The following ATP6V1H variants were observed in gnomAD, a reference collection of about 807,000 sequenced individuals.
ATP6V1H encodes V-type proton ATPase subunit H.
Under a neutral mutation model 71.7 loss-of-function variants are expected in ATP6V1H, and 39 were observed. The observed-to-expected ratio is 0.54, with a 90% confidence interval of 0.42 to 0.71. ATP6V1H has a LOEUF of 0.71. ATP6V1H is among the 30% of genes least tolerant of loss of function. The probability of loss-of-function intolerance (pLI) is 0.00; values close to 1 mark genes in which losing one functional copy is unlikely to be tolerated. For missense variants in ATP6V1H, 509 were observed against 594.9 expected (o/e 0.86, Z 1.50); for synonymous variants, 192 against 199.3 (o/e 0.96, Z 0.31).
At chr8:53,783,062 G>A (rs1481608683) in intron 9 of ATP6V1H, among the ~76,000 whole-genome samples, 2 of 152,136 alleles carry the variant, frequency 1.3e-5, no homozygotes, top group Non-Finnish European at 2.9e-5. Flanking sequence ...CTCATAAAAT[G>A]AGTTAGGGAG....
intron 13 of ATP6V1H, among the ~76,000 whole-genome samples, chr8:53,720,161 TA>T (rs1268693891): frequency 6.6e-5 from 10 of 152,214 alleles, no homozygotes; most frequent in African/African-American, 2.4e-4. Context: ...AATGTGACAT[TA>T]AATCTTTGCT....
At chr8:53,762,831 T>C (rs145196892) in intron 11 of ATP6V1H, among the ~76,000 whole-genome samples, 2 of 149,826 alleles carry the variant, frequency 1.3e-5, no homozygotes, top group East Asian at 2.2e-4. Context: ...CACTTACACA[T>C]GGATTTTCTT....
At chr8:53,733,581 T>C (rs938881037) in intron 13 of ATP6V1H, among the ~76,000 whole-genome samples, 14 of 152,158 alleles carry the variant, frequency 9.2e-5, no homozygotes, top group African/African-American at 2.9e-4. Context: ...CTACCTAGGA[T>C]TTACTATCCG....
chr8:53,771,054 A>T (rs1224069705), intron 10 of ATP6V1H, among the ~76,000 whole-genome samples: 2 of 152,238 alleles, frequency 1.3e-5, no homozygotes, highest in Non-Finnish European at 2.9e-5. Flanking sequence ...TCATCTGGTA[A>T]ATACATTTCT....
chr8:53,795,604 G>A (rs552677677), intron 9 of ATP6V1H, 43 bp downstream of exon 9: 2 of 1,577,168 alleles, frequency 1.3e-6, no homozygotes, highest in African/African-American at 2.7e-5. Context: ...ACTGCACAGT[G>A]AAAAATGCCT....
At chr8:53,812,317 T>C (rs561844467) in intron 6 of ATP6V1H, among the ~76,000 whole-genome samples, 7 of 152,208 alleles carry the variant, frequency 4.6e-5, no homozygotes, top group African/African-American at 1.7e-4. Flanking sequence ...AAACACTCTG[T>C]GATAAAAAAG....
intron 13 of ATP6V1H, among the ~76,000 whole-genome samples, chr8:53,721,225 G>C (rs530306039): frequency 1.5e-4 from 23 of 151,872 alleles, no homozygotes; most frequent in Non-Finnish European, 3.2e-4. Context: ...CGATTCCTCT[G>C]GCTTTTATCA....
intron 9 of ATP6V1H, among the ~76,000 whole-genome samples, chr8:53,784,767 T>C (rs1223496150): frequency 6.6e-6 from 1 of 152,230 alleles, no homozygotes; most frequent in African/African-American, 2.4e-5. Flanking sequence ...TGCTTGTCTG[T>C]AAATGATTTT....
chr8:53,734,866 G>A (rs1023915836), intron 13 of ATP6V1H, among the ~76,000 whole-genome samples: 1 of 152,200 alleles, frequency 6.6e-6, no homozygotes, highest in South Asian at 2.1e-4. Context: ...CCAGACAGAA[G>A]GAGGACAAAT....
At chr8:53,786,679 A>G (rs1038577427) in intron 9 of ATP6V1H, among the ~76,000 whole-genome samples, 2 of 152,182 alleles carry the variant, frequency 1.3e-5, no homozygotes, top group Admixed American at 1.3e-4. Flanking sequence ...TCCCTGAAAT[A>G]TGTTATTCCT....
intron 4 of ATP6V1H, among the ~76,000 whole-genome samples, chr8:53,819,657 C>T (rs1411680972): frequency 1.7e-4 from 13 of 76,732 alleles, no homozygotes; most frequent in Non-Finnish European, 2.5e-4. Flanking sequence ...TATGTATATA[C>T]GTATATACAT....
intron 12 of ATP6V1H, among the ~76,000 whole-genome samples, chr8:53,755,687 TATATATATATATA>T (rs1563450858): frequency 0.044 from 133 of 3,014 alleles, 12 homozygotes; most frequent in African/African-American, 0.052. Context: ...CCAGCGTACA[TATATATATATATA>T]TATATATATA....
chr8:53,771,678 C>A (rs1808661377), intron 10 of ATP6V1H, among the ~76,000 whole-genome samples: 1 of 152,164 alleles, frequency 6.6e-6, no homozygotes, highest in Non-Finnish European at 1.5e-5. Context: ...AACAAACTAC[C>A]TTTGTTGCTT....
At chr8:53,794,696 G>A (rs1809674620) in intron 9 of ATP6V1H, among the ~76,000 whole-genome samples, 1 of 152,130 alleles carries the variant, frequency 6.6e-6, no homozygotes, top group Non-Finnish European at 1.5e-5. Flanking sequence ...GTTTTTTAAA[G>A]AAAGTATAAG....
At chr8:53,716,608 A>G (rs536409656) in intron 13 of ATP6V1H, among the ~76,000 whole-genome samples, 53 of 152,244 alleles carry the variant, frequency 3.5e-4, no homozygotes, top group Non-Finnish European at 4.6e-4. Flanking sequence ...AAGCCCACAC[A>G]GAGACGGTCA....
intron 2 of ATP6V1H, chr8:53,839,541 A>C (rs1201632337): frequency 1.1e-6 from 1 of 911,588 alleles, no homozygotes; most frequent in Non-Finnish European, 1.3e-6. Flanking sequence ...AGACTCTCTC[A>C]ATCTAACCAA....
chr8:53,827,485 T>A (rs1810860661), intron 4 of ATP6V1H, among the ~76,000 whole-genome samples: 1 of 151,516 alleles, frequency 6.6e-6, no homozygotes. Context: ...CAGTATTTCA[T>A]GAAAAATAAT....
At chr8:53,833,854 C>T (rs1484290311) in intron 2 of ATP6V1H, among the ~76,000 whole-genome samples, 1 of 152,052 alleles carries the variant, frequency 6.6e-6, no homozygotes, top group Non-Finnish European at 1.5e-5. Context: ...TGTCATCTTC[C>T]CTGTCATCCC....
At position 53,763,748 on chromosome 8, in the gene ATP6V1H, A is replaced by T. The variant is rs147808394; in HGVS notation, c.1175+5870T>A. 2.2e-3 allele frequency among the ~76,000 whole-genome samples: 336 copies of T among 152,340 alleles called. 2 individuals carry two copies. Among genetic ancestry groups the T allele is most frequent in the African/African-American group, 7.8e-3 (325 of 41,584 alleles). ...ACAAGTCTTCTTAGATCCATCAGGA[A>T]CCATCAGAGAACTGAGGTCCCAGGA... On this transcript the variant is annotated intron_variant, in intron 11 of 13. Coordinates refer to ENST00000359530, the MANE Select transcript of ATP6V1H (RefSeq NM_015941.4).
Sources: gnomAD v4.1 joint callset for allele counts (sites outside exome capture counted in the v4.1 genomes callset) on GRCh38, gnomAD v4.1.1 for gene constraint, MANE v1.5 for transcripts, NCBI Gene and HGNC (gene_info 2026-07-23, HGNC 2026-07-21) for gene names.